The following TMTC2 variants were observed in gnomAD, a reference collection of about 807,000 sequenced individuals.
TMTC2 encodes protein O-mannosyl-transferase TMTC2.
A neutral mutation model predicts 82.4 loss-of-function variants in TMTC2; 43 were observed. That is an observed-to-expected ratio of 0.52 (90% CI 0.41 to 0.67). The LOEUF (loss-of-function observed/expected upper bound fraction) is 0.67. TMTC2 is among the 30% of genes least tolerant of loss of function. The pLI is 0.00. For missense variants in TMTC2, 919 were observed against 1,012.4 expected (o/e 0.91, Z 1.25); for synonymous variants, 408 against 381.9 (o/e 1.07, Z -0.80).
chr12:82,728,760 G>A (rs1592879552), intron 1 of TMTC2, among the ~76,000 whole-genome samples: 1 of 152,238 alleles, frequency 6.6e-6, no homozygotes, highest in East Asian at 1.9e-4. Flanking sequence ...AGCTTGCGGG[G>A]AGGTGTGGAG....
intron 11 of TMTC2, among the ~76,000 whole-genome samples, chr12:83,066,382 G>A (rs901525392): frequency 1.3e-5 from 2 of 151,936 alleles, no homozygotes; most frequent in African/African-American, 4.8e-5. Context: ...ACTAGGGCAA[G>A]GGGAGGGTAT....
At chr12:82,925,874 A>C (rs1442134886) in intron 3 of TMTC2, among the ~76,000 whole-genome samples, 1 of 152,152 alleles carries the variant, frequency 6.6e-6, no homozygotes, top group East Asian at 1.9e-4. Context: ...CATGTCTCTC[A>C]CTTTACATCA....
chr12:83,077,302 C>T (rs1883312053), intron 11 of TMTC2, among the ~76,000 whole-genome samples: 1 of 152,186 alleles, frequency 6.6e-6, no homozygotes, highest in Admixed American at 6.5e-5. Context: ...ACTTTCTTAT[C>T]TCCAAAGGTG....
intron 1 of TMTC2, among the ~76,000 whole-genome samples, chr12:82,801,097 A>G (rs1052722272): frequency 3.3e-5 from 5 of 152,118 alleles, no homozygotes; most frequent in South Asian, 2.1e-4. Context: ...CTATATTCAA[A>G]CTTATATGAT....
intron 1 of TMTC2, among the ~76,000 whole-genome samples, chr12:82,736,319 A>G (rs899263163): frequency 6.6e-6 from 1 of 152,200 alleles, no homozygotes. Context: ...TAACTTTAAA[A>G]AAAAACAACA....
intron 7 of TMTC2, among the ~76,000 whole-genome samples, chr12:82,968,318 T>C (rs1878310077): frequency 6.6e-6 from 1 of 152,172 alleles, no homozygotes; most frequent in South Asian, 2.1e-4. Context: ...AAACAATGCC[T>C]TTTATTATTC....
At chr12:82,931,131 A>T (rs572984875) in intron 4 of TMTC2, among the ~76,000 whole-genome samples, 3 of 152,098 alleles carry the variant, frequency 2.0e-5, no homozygotes, top group Non-Finnish European at 2.9e-5. Flanking sequence ...ACTGGTGCCT[A>T]ACTCCTGGCC....
chr12:82,910,489 T>C (rs1357464398), intron 3 of TMTC2, among the ~76,000 whole-genome samples: 1 of 152,192 alleles, frequency 6.6e-6, no homozygotes, highest in Non-Finnish European at 1.5e-5. Context: ...TAGCCCTCTA[T>C]AGGCGGCTTG....
At chr12:82,870,261 A>T (rs1872106854) in intron 2 of TMTC2, among the ~76,000 whole-genome samples, 1 of 151,992 alleles carries the variant, frequency 6.6e-6, no homozygotes, top group South Asian at 2.1e-4. Context: ...ATAGCTTCAG[A>T]TAGGGTCTCC....
chr12:82,793,962 T>C (rs543870953), intron 1 of TMTC2, among the ~76,000 whole-genome samples: 65 of 152,300 alleles, frequency 4.3e-4, no homozygotes, highest in African/African-American at 1.5e-3. Flanking sequence ...TCTTGATCCC[T>C]AGGGACGTTT....
chr12:82,738,133 G>A (rs978549506), intron 1 of TMTC2, among the ~76,000 whole-genome samples: 1 of 152,208 alleles, frequency 6.6e-6, no homozygotes, highest in Non-Finnish European at 1.5e-5. Context: ...CTTTGGTCTA[G>A]TATAATTAGG....
At chr12:82,799,318 T>C (rs1321732497) in intron 1 of TMTC2, among the ~76,000 whole-genome samples, 1 of 152,144 alleles carries the variant, frequency 6.6e-6, no homozygotes, top group Non-Finnish European at 1.5e-5. Flanking sequence ...GGAAGAGAGA[T>C]TGTGCCCCGT....
At chr12:83,067,282 T>A (rs910430505) in intron 11 of TMTC2, among the ~76,000 whole-genome samples, 2 of 151,876 alleles carry the variant, frequency 1.3e-5, no homozygotes, top group African/African-American at 4.8e-5. Context: ...GAATTGGAAG[T>A]GGGTGGTGTA....
At chr12:82,821,818 C>T (rs894981977) in intron 1 of TMTC2, among the ~76,000 whole-genome samples, 1 of 148,140 alleles carries the variant, frequency 6.8e-6, no homozygotes, top group Admixed American at 6.9e-5. Flanking sequence ...GGTTGGAGAC[C>T]GAGGTTGCAG....
intron 3 of TMTC2, among the ~76,000 whole-genome samples, chr12:82,917,418 G>A (rs1034154723): frequency 6.6e-6 from 1 of 151,946 alleles, no homozygotes; most frequent in South Asian, 2.1e-4. Context: ...AAGGACTTTG[G>A]AACCAGACAG....
chr12:82,830,279 C>T (rs1246034632), intron 1 of TMTC2, among the ~76,000 whole-genome samples: 1 of 151,562 alleles, frequency 6.6e-6, no homozygotes, highest in Non-Finnish European at 1.5e-5. Flanking sequence ...GTGTTTCTGC[C>T]CAGCATAGTA....
intron 4 of TMTC2, among the ~76,000 whole-genome samples, chr12:82,932,482 A>G (rs1181356119): frequency 6.6e-6 from 1 of 152,166 alleles, no homozygotes; most frequent in African/African-American, 2.4e-5. Flanking sequence ...TTGAATTTGT[A>G]TCTTTTTCTT....
At chr12:83,122,104 G>C (rs1197666474) in intron 11 of TMTC2, among the ~76,000 whole-genome samples, 3 of 151,544 alleles carry the variant, frequency 2.0e-5, no homozygotes, top group Non-Finnish European at 4.4e-5. Flanking sequence ...AAGTGTCACT[G>C]AGTCTGTTTC....
intron 2 of TMTC2, among the ~76,000 whole-genome samples, chr12:82,868,610 C>T (rs1268857626): frequency 1.3e-5 from 2 of 151,808 alleles, no homozygotes; most frequent in African/African-American, 4.8e-5. Context: ...CCCAAACCAC[C>T]CTGTTTCCCA....
Sources: gnomAD v4.1 joint callset for allele counts (sites outside exome capture counted in the v4.1 genomes callset) on GRCh38, gnomAD v4.1.1 for gene constraint, MANE v1.5 for transcripts, NCBI Gene and HGNC (gene_info 2026-07-23, HGNC 2026-07-21) for gene names.